Variants in PDZRN4 observed in about 807,000 individuals in gnomAD.
PDZRN4 encodes PDZ domain containing ring finger 4.
A neutral mutation model predicts 99.0 loss-of-function variants in PDZRN4; 70 were observed. That is an observed-to-expected ratio of 0.71 (90% CI 0.58 to 0.86). PDZRN4 has a LOEUF of 0.86. PDZRN4 is among the 40% of genes least tolerant of loss of function. The pLI, the probability that PDZRN4 is intolerant of heterozygous loss-of-function variation, is 0.00. For missense variants in PDZRN4, 1,474 were observed against 1,331.2 expected (o/e 1.11, Z -1.67); for synonymous variants, 551 against 501.6 (o/e 1.10, Z -1.32).
chr12:41,504,166 G>T (rs1323456021), intron 3 of PDZRN4, among the ~76,000 whole-genome samples: 1 of 152,160 alleles, frequency 6.6e-6, no homozygotes, highest in Non-Finnish European at 1.5e-5. Context: ...CTACTTGGGT[G>T]GCTGAGGCAG....
At chr12:41,521,668 T>G (rs1938495127) in intron 5 of PDZRN4, among the ~76,000 whole-genome samples, 1 of 152,076 alleles carries the variant, frequency 6.6e-6, no homozygotes, top group African/African-American at 2.4e-5. Flanking sequence ...CTGTCACAGC[T>G]AGTTAATGGC....
chr12:41,473,925 T>G (rs1336953734), intron 3 of PDZRN4, among the ~76,000 whole-genome samples: 1 of 152,208 alleles, frequency 6.6e-6, no homozygotes, highest in East Asian at 1.9e-4. Context: ...AGGAAAAACC[T>G]TCACTGAAAA....
At chr12:41,255,413 G>T (rs949288728) in intron 3 of PDZRN4, among the ~76,000 whole-genome samples, 3 of 151,458 alleles carry the variant, frequency 2.0e-5, no homozygotes, top group African/African-American at 4.9e-5. Flanking sequence ...AGAAAGTTTT[G>T]TTTTTTTTGT....
At chr12:41,268,799 G>A (rs1951295916) in intron 3 of PDZRN4, among the ~76,000 whole-genome samples, 1 of 152,132 alleles carries the variant, frequency 6.6e-6, no homozygotes. Flanking sequence ...AGAGGTTGGT[G>A]TGTTTCTAAA....
In PDZRN4 at chr12:41,573,537, G is replaced by C; in HGVS notation, c.2758G>C (p.Glu920Gln). The stretch of plus-strand genomic sequence containing the variant: ...GAAGGAACGTGCCTTAAAGATCAAG[G>C]AAGAGCGGAGTGGCATGACCACAGA... ...ILKERALKIK[E>Q]ERSGMTTDDD... is the part of the protein sequence containing the mutation. The change falls in exon 10 of 10, where the codon GAA (glutamate) becomes CAA (glutamine). Residue 920 changes from glutamate (E) to glutamine (Q), a missense_variant. Glu to Gln is a conservative substitution (Grantham distance 29). Coordinates refer to ENST00000402685, the MANE Select transcript of PDZRN4 (RefSeq NM_001164595.2). 1 of 1,614,042 alleles carries C rather than the reference G, an allele frequency of 6.2e-7. No homozygotes were observed. The highest frequency in any genetic ancestry group is 1.1e-5 in the South Asian group (1 of 91,080).
intron 3 of PDZRN4, among the ~76,000 whole-genome samples, chr12:41,363,118 G>A (rs1951974822): frequency 6.6e-6 from 1 of 152,044 alleles, no homozygotes; most frequent in Non-Finnish European, 1.5e-5. Flanking sequence ...CTAGAGACTA[G>A]TCTTTTATTT....
intron 3 of PDZRN4, among the ~76,000 whole-genome samples, chr12:41,476,713 G>A (rs1953045971): frequency 6.6e-6 from 1 of 152,168 alleles, no homozygotes; most frequent in African/African-American, 2.4e-5. Context: ...GATAGTGAAA[G>A]GAAATTGACA....
At chr12:41,456,957 G>T (rs933398344) in intron 3 of PDZRN4, among the ~76,000 whole-genome samples, 2 of 152,154 alleles carry the variant, frequency 1.3e-5, no homozygotes, top group African/African-American at 2.4e-5. Context: ...GCCTAAGTTT[G>T]CAGCCATAGT....
At chr12:41,520,835 C>A (rs1052807807) in intron 5 of PDZRN4, among the ~76,000 whole-genome samples, 28 of 152,086 alleles carry the variant, frequency 1.8e-4, no homozygotes, top group African/African-American at 6.8e-4. Context: ...AAATAATCTA[C>A]GCCTGTAGTC....
At position 41,202,350 on chromosome 12, in the gene PDZRN4, T is replaced by C. The variant is rs556055268; in HGVS notation, c.843+8162T>C. 5.9e-5 allele frequency among the ~76,000 whole-genome samples: 9 copies of C among 152,220 alleles called. No individual in the cohort carries two copies. The East Asian group carries it at 1.7e-3, about 30-fold the overall frequency. The stretch of plus-strand genomic sequence containing the variant: ...GGGAGGTTGTGCTTTCGTAAGTACA[T>C]GCTGTTGTATTCCTAGCAGATTTTA... On this transcript the variant is annotated intron_variant, in intron 3 of 9. Coordinates refer to ENST00000402685, the MANE Select transcript of PDZRN4 (RefSeq NM_001164595.2).
intron 3 of PDZRN4, among the ~76,000 whole-genome samples, chr12:41,418,415 A>G (rs906620483): frequency 2.0e-5 from 3 of 152,210 alleles, no homozygotes; most frequent in Admixed American, 6.5e-5. Context: ...AGTTTACATC[A>G]AAACAAGGAA....
intron 3 of PDZRN4, among the ~76,000 whole-genome samples, chr12:41,248,550 G>A (rs1296311671): frequency 1.3e-5 from 2 of 152,196 alleles, no homozygotes; most frequent in Non-Finnish European, 2.9e-5. Flanking sequence ...AGGAAAGCCA[G>A]TGTGAAATTG....
chr12:41,227,430 C>T (rs369005492), intron 3 of PDZRN4, among the ~76,000 whole-genome samples: 6 of 152,106 alleles, frequency 3.9e-5, no homozygotes, highest in African/African-American at 1.2e-4. Flanking sequence ...TTTGGAAAGC[C>T]GAGGTGGGAG....
intron 3 of PDZRN4, among the ~76,000 whole-genome samples, chr12:41,333,264 A>C (rs902995392): frequency 1.3e-5 from 2 of 152,174 alleles, no homozygotes; most frequent in Admixed American, 6.6e-5. Context: ...TGCTGCAGAC[A>C]TGGAGAGGCA....
At position 41,319,450 on chromosome 12, in the gene PDZRN4, C is replaced by A. The variant is rs185116363; in HGVS notation, c.843+125262C>A. ...GTTTGTGGCCACAGTCTCACAGCCT[C>A]CCATGAATACAGTCCCTCCCTCATC... On this transcript the variant is annotated intron_variant, in intron 3 of 9. Coordinates refer to ENST00000402685, the MANE Select transcript of PDZRN4 (RefSeq NM_001164595.2). 5.8e-4 allele frequency among the ~76,000 whole-genome samples: 89 copies of A among 152,212 alleles called. 2 individuals carry two copies. The highest frequency in any genetic ancestry group is 2.0e-3 in the African/African-American group (84 of 41,538).
At chr12:41,534,019 A>G (rs1395409140) in intron 5 of PDZRN4, among the ~76,000 whole-genome samples, 1 of 152,170 alleles carries the variant, frequency 6.6e-6, no homozygotes, top group African/African-American at 2.4e-5. Flanking sequence ...TAACAATTTC[A>G]AAATTAATTA....
chr12:41,506,821 C>G, intron 4 of PDZRN4, 109 bp downstream of exon 4: 1 of 1,221,752 alleles, frequency 8.2e-7, no homozygotes. Flanking sequence ...TGGAGACAGG[C>G]TTCCCAGCTC....
chr12:41,199,073 T>C (rs376301692), intron 3 of PDZRN4, among the ~76,000 whole-genome samples: 3 of 152,292 alleles, frequency 2.0e-5, no homozygotes, highest in East Asian at 1.9e-4. Flanking sequence ...CATTTAGGCA[T>C]GTTATTGAAT....
chr12:41,344,779 TA>T (rs1315868101), intron 3 of PDZRN4, among the ~76,000 whole-genome samples: 3 of 148,648 alleles, frequency 2.0e-5, no homozygotes, highest in Non-Finnish European at 3.0e-5. Flanking sequence ...ACATAATATA[TA>T]TATTTAAAAT....
Sources: gnomAD v4.1 joint callset for allele counts (sites outside exome capture counted in the v4.1 genomes callset) on GRCh38, gnomAD v4.1.1 for gene constraint, MANE v1.5 for transcripts, NCBI Gene and HGNC (gene_info 2026-07-23, HGNC 2026-07-21) for gene names.